The following DACH2 variants were observed in gnomAD, a reference collection of about 807,000 sequenced individuals.
The protein encoded by DACH2 is dachshund family transcription factor 2, also known as dachshund homolog 2.
A neutral mutation model predicts 35.8 loss-of-function variants in DACH2; 17 were observed. The ratio of observed to expected loss-of-function variants is 0.48; its 90% confidence interval spans 0.33 to 0.71. The LOEUF is 0.71. Ranked by LOEUF, DACH2 falls within the 30% of genes least tolerant of loss-of-function variation. DACH2 has a pLI of 0.02. For missense variants in DACH2, 469 were observed against 472.7 expected, an observed-to-expected ratio of 0.99 and a Z score of 0.07; for synonymous variants, 195 against 177.3, an observed-to-expected ratio of 1.10 and a Z score of -0.79.
chrX:86,294,127 T>G (rs1251446855), intron 1 of DACH2, among the ~76,000 whole-genome samples: 2 of 111,444 alleles, frequency 1.8e-5, no homozygotes, highest in African/African-American at 3.3e-5. Context: ...TCGTTTCTTT[T>G]TATTCTTTTT....
At chrX:86,636,876 A>G (rs1334713554) in intron 3 of DACH2, among the ~76,000 whole-genome samples, 2 of 109,585 alleles carry the variant, frequency 1.8e-5, no homozygotes, top group African/African-American at 6.7e-5. Flanking sequence ...TAATTAAACT[A>G]AGAGCTTCTG....
intron 1 of DACH2, among the ~76,000 whole-genome samples, chrX:86,275,567 T>C (rs191608736): frequency 1.8e-5 from 2 of 111,635 alleles, no homozygotes; most frequent in Admixed American, 9.5e-5. Context: ...AATCACTCTC[T>C]TTAAGTTATT....
chrX:86,680,548 T>C (rs2040869019), intron 4 of DACH2, among the ~76,000 whole-genome samples: 1 of 111,896 alleles, frequency 8.9e-6, no homozygotes, highest in Admixed American at 9.6e-5. Context: ...TTGAAAATTT[T>C]GTGCATATTT....
chrX:86,437,219 TAGA>T (rs780162057), intron 2 of DACH2, among the ~76,000 whole-genome samples: 264 of 111,693 alleles, frequency 2.4e-3, no homozygotes, highest in African/African-American at 7.9e-3. Context: ...GTTACATGCA[TAGA>T]AGGTGTAATG....
intron 1 of DACH2, among the ~76,000 whole-genome samples, chrX:86,173,151 A>G: frequency 8.9e-6 from 1 of 111,874 alleles, no homozygotes; most frequent in Middle Eastern, 4.2e-3. Context: ...AAAAAAGATT[A>G]TCATTCATTC....
intron 2 of DACH2, among the ~76,000 whole-genome samples, chrX:86,455,010 G>A (rs905346233): frequency 9.0e-6 from 1 of 111,089 alleles, no homozygotes; most frequent in Non-Finnish European, 1.9e-5. Flanking sequence ...TTTTCTTTTA[G>A]CAGTCAGACC....
chrX:86,229,162 T>A (rs2032893525), intron 1 of DACH2, among the ~76,000 whole-genome samples: 1 of 111,921 alleles, frequency 8.9e-6, no homozygotes, highest in Admixed American at 9.5e-5. Context: ...GAGATGAGGA[T>A]CCAGTTTCGT....
At chrX:86,277,109 A>C (rs1247605663) in intron 1 of DACH2, among the ~76,000 whole-genome samples, 3 of 111,385 alleles carry the variant, frequency 2.7e-5, no homozygotes, top group Non-Finnish European at 5.7e-5. Flanking sequence ...GATTCTGTAG[A>C]TTGCTTTGGG....
At chrX:86,400,143 A>G (rs7067164) in intron 2 of DACH2, among the ~76,000 whole-genome samples, 9,885 of 110,736 alleles carry the variant, frequency 0.089, 1,127 homozygotes, top group African/African-American at 0.31. Flanking sequence ...ATCTTCCATC[A>G]CTGATACCCT....
intron 1 of DACH2, 122 bp from the exon 2 acceptor site, chrX:86,376,702 T>C: frequency 2.1e-6 from 2 of 955,812 alleles, no homozygotes; most frequent in Non-Finnish European, 2.8e-6. Context: ...CTAAAATTTC[T>C]GCAGAATTTA....
chrX:86,669,701 G>A (rs1025184650), intron 4 of DACH2, among the ~76,000 whole-genome samples: 2 of 111,067 alleles, frequency 1.8e-5, no homozygotes, highest in Non-Finnish European at 3.8e-5. Context: ...AAATTAAATT[G>A]AGAACACATA....
intron 4 of DACH2, among the ~76,000 whole-genome samples, chrX:86,677,347 G>T (rs1010777023): frequency 1.8e-5 from 2 of 111,980 alleles, no homozygotes; most frequent in African/African-American, 6.5e-5. Context: ...CTATCAAAAA[G>T]AATGCAATTT....
At chrX:86,796,715 C>T (rs749034539) in intron 7 of DACH2, among the ~76,000 whole-genome samples, 2 of 111,965 alleles carry the variant, frequency 1.8e-5, no homozygotes, top group South Asian at 7.4e-4. Context: ...GAAACATCTG[C>T]ATTTAATACT....
At chrX:86,592,240 T>G (rs985214104) in intron 3 of DACH2, among the ~76,000 whole-genome samples, 4 of 111,938 alleles carry the variant, frequency 3.6e-5, no homozygotes, top group African/African-American at 1.3e-4. Flanking sequence ...TTTTTCTTTT[T>G]GCATGTGGAT....
chrX:86,472,609 C>T (rs979720043), intron 2 of DACH2, among the ~76,000 whole-genome samples: 25 of 111,944 alleles, frequency 2.2e-4, no homozygotes, highest in Non-Finnish European at 4.5e-4. Flanking sequence ...CACTACACTG[C>T]ATTTCTTAAA....
intron 1 of DACH2, among the ~76,000 whole-genome samples, chrX:86,292,308 TTCTC>T: frequency 1.0e-5 from 1 of 100,061 alleles, no homozygotes. Flanking sequence ...GATTTGATTC[TTCTC>T]TCTCTTTTTC....
intron 7 of DACH2, among the ~76,000 whole-genome samples, chrX:86,765,698 G>GTTTTTTTTTTTTTTTTTTTTTTTTTT (rs60709865): frequency 2.4e-4 from 6 of 24,632 alleles, no homozygotes; most frequent in Non-Finnish European, 3.3e-4. Flanking sequence ...TTGTTTTTTG[G>GTTTTTTTTTTTTTTTTTTTTTTTTTT]TTTTTTTTTT....
chrX:86,787,642 G>T (rs1041894441), intron 7 of DACH2, among the ~76,000 whole-genome samples: 3 of 101,234 alleles, frequency 3.0e-5, no homozygotes, highest in Non-Finnish European at 4.0e-5. Context: ...AAAAAGAAAA[G>T]AAAATGAGTC....
intron 1 of DACH2, among the ~76,000 whole-genome samples, chrX:86,330,604 A>G (rs1401774420): frequency 8.9e-6 from 1 of 111,789 alleles, no homozygotes; most frequent in Non-Finnish European, 1.9e-5. Context: ...TTTTAAAAAC[A>G]ACACCTCTAA....
Sources: gnomAD v4.1 joint callset for allele counts (sites outside exome capture counted in the v4.1 genomes callset) on GRCh38, gnomAD v4.1.1 for gene constraint, MANE v1.5 for transcripts, NCBI Gene and HGNC (gene_info 2026-07-23, HGNC 2026-07-21) for gene names.